ADAMTSL5: variants seen among roughly 807,000 people sequenced by gnomAD.
ADAMTSL5 encodes ADAMTS like 5.
A neutral mutation model predicts 51.7 loss-of-function variants in ADAMTSL5; 53 were observed. The observed-to-expected ratio is 1.03, with a 90% CI of 0.82 to 1.29. The LOEUF (loss-of-function observed/expected upper bound fraction) is 1.29, where lower values mean the gene tolerates loss of function less well. Ranked by LOEUF, ADAMTSL5 falls within the 50% of genes most tolerant of loss-of-function variation. ADAMTSL5 has a pLI of 0.00. For synonymous variants in ADAMTSL5, 285 were observed against 278.7 expected, an observed-to-expected ratio of 1.02 and a Z score of -0.23; for missense variants, 770 against 676.2, an observed-to-expected ratio of 1.14 and a Z score of -1.54.
intron 1 of ADAMTSL5, chr19:1,511,892 G>T (rs537051957): frequency 6.5e-5 from 16 of 244,462 alleles, no homozygotes; most frequent in South Asian, 6.5e-4. Flanking sequence ...TCCGTTCGGT[G>T]CCTCATGGCC....
Position 1,505,080 on chromosome 19 carries a change from G to A in ADAMTSL5, c.*935C>T, listed in dbSNP as rs1912848310. On this transcript the variant is annotated 3_prime_UTR_variant, in exon 12 of 12. Coordinates refer to ENST00000330475, the MANE Select transcript of ADAMTSL5 (RefSeq NM_213604.3). Reference sequence around the variant, plus strand: ...AAAAATTAAAGAGGAATAAAAGGGGGGTGAACAGCCAGTACGATAGTGCAT... The same window carrying A: ...AAAAATTAAAGAGGAATAAAAGGGGAGTGAACAGCCAGTACGATAGTGCAT... 1 of 152,020 alleles carries A rather than the reference G, an allele frequency of 6.6e-6. No individual in the cohort carries two copies. Among genetic ancestry groups the A allele is most frequent in the Admixed American group, 6.6e-5 (1 of 15,244 alleles). 9.4% of individuals were successfully genotyped at this position (152,020 alleles called of 1,614,324 possible).
Position 1,505,885 on chromosome 19 carries a change from T to A in ADAMTSL5, c.*130A>T. Reference sequence around the variant, plus strand: ...TGTCTTAAGCGTGTGTGGGAGGGAGTCACATAGCTGCACAGGTGGGACGTA... The same window carrying A: ...TGTCTTAAGCGTGTGTGGGAGGGAGACACATAGCTGCACAGGTGGGACGTA... On this transcript the variant is annotated 3_prime_UTR_variant, in exon 12 of 12. Coordinates refer to ENST00000330475, the MANE Select transcript of ADAMTSL5 (RefSeq NM_213604.3). The A allele has an allele frequency of 8.3e-7, 1 of 1,199,530 alleles. No individual in the cohort carries two copies. The highest frequency in any genetic ancestry group is 1.7e-5 in the South Asian group (1 of 60,586). 74.3% of individuals were successfully genotyped at this position (1,199,530 alleles called of 1,614,324 possible). A position where few individuals can be genotyped will look rare whatever the true frequency, so the allele number is the denominator to read the frequency against.
In ADAMTSL5 at chr19:1,511,094, T is replaced by G; in HGVS notation, c.-151A>C. On this transcript the variant is annotated 5_prime_UTR_variant, in exon 2 of 12. Transcript: ENST00000330475. ...CCCTTACAGGAAAGTTGAGGGGTCC[T>G]GTGGATCAGGTAAAGAAGACAGGAG... The G allele has an allele frequency of 2.0e-6, 1 of 504,480 alleles. No homozygotes were observed. The highest frequency in any genetic ancestry group is 3.2e-6 in the Non-Finnish European group (1 of 313,860). 31.3% of individuals were successfully genotyped at this position (504,480 alleles called of 1,614,324 possible). A position where few individuals can be genotyped will look rare whatever the true frequency, so the allele number is the denominator to read the frequency against.
At chr19:1,512,092 A>AGG (rs112145601) in intron 1 of ADAMTSL5, among the ~76,000 whole-genome samples, 15 of 151,918 alleles carry the variant, frequency 9.9e-5, no homozygotes, top group African/African-American at 3.4e-4. Flanking sequence ...GCAGGGGGAA[A>AGG]GAGGGGGGAA....
intron 3 of ADAMTSL5, 67 bp from the exon 4 acceptor site, chr19:1,510,495 C>T (rs1278132019): frequency 9.8e-6 from 15 of 1,526,068 alleles, no homozygotes; most frequent in Middle Eastern, 2.3e-4. Flanking sequence ...TTCCACCCTC[C>T]GCCCCCGCCA....
chr19:1,509,622 AAGGGAGGGAGGG>A (rs1555693309), intron 5 of ADAMTSL5, among the ~76,000 whole-genome samples: 2 of 120,624 alleles, frequency 1.7e-5, no homozygotes, highest in African/African-American at 3.0e-5. Context: ...GGAAGGAAGG[AAGGGAGGGAGGG>A]AGGGAGGGAG....
Position 1,507,554 on chromosome 19 carries a change from T to C in ADAMTSL5, c.688+3A>G. On this transcript the variant is annotated splice_donor_region_variant and intron_variant, in intron 8 of 11. Transcript: ENST00000330475. Reference sequence around the variant, plus strand: ...GTGCCTCTCGCCTCACATCCTAGGATACCCAGGTGGTTGCGGCTCCTGTGT... The same window carrying C: ...GTGCCTCTCGCCTCACATCCTAGGACACCCAGGTGGTTGCGGCTCCTGTGT... 5.0e-6 allele frequency: 8 copies of C among 1,613,060 alleles called. No individual in the cohort carries two copies. Among genetic ancestry groups the C allele is most frequent in the Non-Finnish European group, 6.8e-6 (8 of 1,179,636 alleles).
intron 1 of ADAMTSL5, among the ~76,000 whole-genome samples, chr19:1,512,674 A>T (rs1052079985): frequency 6.6e-6 from 1 of 152,024 alleles, no homozygotes; most frequent in African/African-American, 2.4e-5. Context: ...AGTGAGACTC[A>T]GTCTCAAAAA....
chr19:1,509,133 T>C (rs1308483318), intron 5 of ADAMTSL5, among the ~76,000 whole-genome samples: 1 of 150,284 alleles, frequency 6.7e-6, no homozygotes, highest in Non-Finnish European at 1.5e-5. Flanking sequence ...TGGGAGCCTG[T>C]AATCCCAGCT....
Position 1,506,337 on chromosome 19 carries a change from G to A in ADAMTSL5, c.1115-21C>T. On this transcript the variant is annotated intron_variant, in intron 11 of 11. Transcript: ENST00000330475. The surrounding 1 kb of genome is among the most constrained non-coding windows in gnomAD (Gnocchi z 5.6). ...GAACACTGTTGAGGGGACGTGCTAAGCTGGCTGGCTGCTCAACTCTGCGCA... is the reference window on the plus strand; with the variant it reads ...GAACACTGTTGAGGGGACGTGCTAAACTGGCTGGCTGCTCAACTCTGCGCA... 1.3e-6 allele frequency: 2 copies of A among 1,540,524 alleles called. No individual in the cohort carries two copies. The highest frequency in any genetic ancestry group is 1.8e-6 in the Non-Finnish European group (2 of 1,142,554).
At chr19:1,510,294 A>G in intron 4 of ADAMTSL5, 36 bp from the exon 5 acceptor site, 1 of 1,613,012 alleles carries the variant, frequency 6.2e-7, no homozygotes, top group Non-Finnish European at 8.5e-7. Context: ...AGGCTGGGAC[A>G]ACCCCAAGGG....
chr19:1,510,618 C>A (rs115672462), intron 3 of ADAMTSL5, 21 bp downstream of exon 3: 1 of 1,520,104 alleles, frequency 6.6e-7, no homozygotes, highest in African/African-American at 1.4e-5. Flanking sequence ...GGGGCAGGGA[C>A]CCCCTCCGGG....
intron 5 of ADAMTSL5, chr19:1,508,779 GCATTCATTCATT>G (rs112104243): frequency 5.9e-6 from 3 of 508,190 alleles, no homozygotes; most frequent in South Asian, 3.7e-5. Flanking sequence ...TCCTGGGGCT[GCATTCATTCATT>G]CATTCATTCA....
At chr19:1,507,689 T>C in intron 7 of ADAMTSL5, 46 bp from the exon 8 acceptor site, 2 of 1,568,164 alleles carry the variant, frequency 1.3e-6, no homozygotes, top group South Asian at 1.1e-5. Flanking sequence ...TGGGGGTGTA[T>C]TTGAGCGATG....
chr19:1,506,297 C>T lies in ADAMTSL5; in HGVS notation c.1134G>A (p.Leu378=), dbSNP rs773494957. 6.5e-7 allele frequency: 1 copy of T among 1,548,322 alleles called. No homozygotes were observed. The highest frequency in any genetic ancestry group is 1.2e-5 in the South Asian group (1 of 80,512). Residue 378 remains leucine, a synonymous_variant, in exon 12 of 12, where the codon CTG becomes CTA. Coordinates refer to ENST00000330475, the MANE Select transcript of ADAMTSL5 (RefSeq NM_213604.3). The surrounding 1 kb of genome is among the most constrained non-coding windows in gnomAD (Gnocchi z 5.6). ...TCTCCTGGGCCTGGTGGTGGTGGCC[C>T]AGCACTCGGGCCTGGAACACTGTTG... ...GSDFVFQARV[L]GHHHQAQETR...
chr19:1,506,785 G>T lies in ADAMTSL5; in HGVS notation c.996C>A (p.Pro332=). The T allele has an allele frequency of 6.5e-7, 1 of 1,542,020 alleles. No homozygotes were observed. The highest frequency in any genetic ancestry group is 1.2e-5 in the South Asian group (1 of 83,422). ...GTGCAGGGGTGACAGCAGGGGCTGC[G>T]GGGGGCTGAGGCTCCACCCCCCGGG... is the stretch of plus-strand genomic sequence containing the variant. The part of the protein sequence containing the change: ...PQPRGVEPQP[P]AAPAVTPAQT... The change falls in exon 10 of 12, where the codon CCC becomes CCA. Residue 332 remains proline (P), a synonymous_variant. Coordinates refer to ENST00000330475, the MANE Select transcript of ADAMTSL5 (RefSeq NM_213604.3). This position sits in a 1 kb window ranked among gnomAD's most constrained non-coding sequence, Gnocchi z 5.6.
chr19:1,510,066 T>A, intron 5 of ADAMTSL5, 84 bp downstream of exon 5: 1 of 1,138,380 alleles, frequency 8.8e-7, no homozygotes, highest in African/African-American at 1.5e-5. Flanking sequence ...CTCTTCTCTT[T>A]GCAACCCTCC....
chr19:1,511,482 A>C, intron 1 of ADAMTSL5: 1 of 1,083,380 alleles, frequency 9.2e-7, no homozygotes, highest in Non-Finnish European at 1.2e-6. Flanking sequence ...CTACAATATT[A>C]TTGATATGTG....
At position 1,506,761 on chromosome 19, in the gene ADAMTSL5, T is replaced by G. The variant is rs755864124; in HGVS notation, c.1020A>C (p.Ala340=). 7.7e-6 allele frequency: 12 copies of G among 1,553,546 alleles called. No homozygotes were observed. In the East Asian group the frequency reaches 2.6e-4, roughly 34 times the overall value. ...QPPAAPAVTP[A]QTPTLAPDPC... is the part of the protein sequence containing the mutation. Reference sequence around the variant, plus strand: ...CACCTGGGGCCAGCGTTGGGGTCTGTGCAGGGGTGACAGCAGGGGCTGCGG... The same window carrying G: ...CACCTGGGGCCAGCGTTGGGGTCTGGGCAGGGGTGACAGCAGGGGCTGCGG... The change falls in exon 10 of 12, where the codon GCA becomes GCC. Residue 340 remains alanine (A), a synonymous_variant. Coordinates refer to ENST00000330475, the MANE Select transcript of ADAMTSL5 (RefSeq NM_213604.3). The surrounding 1 kb of genome is among the most constrained non-coding windows in gnomAD (Gnocchi z 5.6).
Sources: allele counts gnomAD v4.1 joint callset (sites outside exome capture counted in the v4.1 genomes callset), GRCh38; gene constraint gnomAD v4.1.1; non-coding constraint Gnocchi (gnomAD v3.1); transcripts MANE v1.5; gene names NCBI Gene and HGNC (gene_info 2026-07-23, HGNC 2026-07-21).